PRKG1: variants seen among roughly 807,000 people sequenced by gnomAD.
PRKG1 encodes the protein cGMP-dependent protein kinase 1.
A neutral mutation model predicts 88.1 loss-of-function variants in PRKG1; 35 were observed. The ratio of observed to expected loss-of-function variants is 0.40; its 90% CI spans 0.30 to 0.53. The LOEUF (loss-of-function observed/expected upper bound fraction) is 0.53. Among genes scored for constraint, PRKG1 ranks in the 20% least tolerant of loss-of-function variants. The probability of loss-of-function intolerance (pLI) is 0.59; values close to 1 mark genes in which losing one functional copy is unlikely to be tolerated. For missense variants in PRKG1, 540 were observed against 839.8 expected, an observed-to-expected ratio of 0.64 and a Z score of 4.41; for synonymous variants, 303 against 292.5, an observed-to-expected ratio of 1.04 and a Z score of -0.37.
At chr10:51,537,169 AT>A (rs1217592682) in intron 3 of PRKG1, among the ~76,000 whole-genome samples, 3 of 152,124 alleles carry the variant, frequency 2.0e-5, no homozygotes, top group African/African-American at 4.8e-5. Flanking sequence ...TATAATTAAA[AT>A]TTTTTTAATG....
rs144723026 is a variant in PRKG1, at chr10:52,242,688, G to C, written c.1077-8882G>C. Among the ~76,000 whole-genome samples the C allele has an allele frequency of 4.9e-3, 741 of 152,242 alleles. 3 individuals are homozygous for C. The highest frequency in any genetic ancestry group is 0.017 in the Middle Eastern group (5 of 294). On this transcript the variant is annotated intron_variant, in intron 9 of 17. Coordinates refer to ENST00000373980, the MANE Select transcript of PRKG1 (RefSeq NM_006258.4). ...AAGGTGGGTGGATCACTTGAGTTCA[G>C]GAGTTGGAGACCATCCTGGCCAACA...
chr10:51,698,890 CCCAGGGCCAGGG>C lies in PRKG1; in HGVS notation c.593-105678_593-105667del, dbSNP rs575311852. On this transcript the variant is annotated intron_variant, in intron 3 of 17. Coordinates refer to ENST00000373980, the MANE Select transcript of PRKG1 (RefSeq NM_006258.4). ...GCAGAACATTAGGTCCTGGGCAGAG[CCCAGGGCCAGGG>C]CCAGGGCCAGGGCCAGAGACAGACA... The C allele has an allele frequency of 5.6e-4, 898 of 1,613,932 alleles. 1 individual carries two copies. The highest frequency in any genetic ancestry group is 1.5e-3 in the Middle Eastern group (9 of 6,060).
Position 51,267,029 on chromosome 10 carries a change from A to G in PRKG1, c.478+113699A>G, listed in dbSNP as rs185077791. ...ATGGAAGGGGTGTTGAAGAATCACA[A>G]TCAATGCTCGTCACCAACTCCACTA... is the stretch of plus-strand genomic sequence containing the variant. On this transcript the variant is annotated intron_variant, in intron 2 of 17. Transcript: ENST00000373980. Among the ~76,000 whole-genome samples, 215 of 152,292 alleles carry G rather than the reference A, an allele frequency of 1.4e-3. 1 individual carries two copies. The highest frequency in any genetic ancestry group is 4.8e-3 in the African/African-American group (200 of 41,574).
chr10:51,180,906 C>T (rs1182302238), intron 2 of PRKG1, among the ~76,000 whole-genome samples: 1 of 152,100 alleles, frequency 6.6e-6, no homozygotes, highest in Non-Finnish European at 1.5e-5. Flanking sequence ...TCTGTAAGTA[C>T]TCAAAAAGTG....
At chr10:51,416,555 T>C (rs1838245352) in intron 2 of PRKG1, among the ~76,000 whole-genome samples, 1 of 152,194 alleles carries the variant, frequency 6.6e-6, no homozygotes, top group Non-Finnish European at 1.5e-5. Context: ...CACAGTAATC[T>C]TGTTCTACAT....
At chr10:51,893,204 G>A (rs1485319445) in intron 4 of PRKG1, among the ~76,000 whole-genome samples, 2 of 151,994 alleles carry the variant, frequency 1.3e-5, no homozygotes, top group Admixed American at 6.6e-5. Flanking sequence ...CCTTCAGTGA[G>A]TTTTTTAGAA....
chr10:51,050,928 C>T (rs1843552695), intron 1 of PRKG1, among the ~76,000 whole-genome samples: 1 of 152,072 alleles, frequency 6.6e-6, no homozygotes, highest in Admixed American at 6.6e-5. Flanking sequence ...TCATATACTT[C>T]ATGGCCGTTT....
At chr10:52,158,342 T>A (rs1461341065) in intron 8 of PRKG1, among the ~76,000 whole-genome samples, 1 of 151,820 alleles carries the variant, frequency 6.6e-6, no homozygotes, top group South Asian at 2.1e-4. Flanking sequence ...AGAAATGTCA[T>A]AGGACCTGAG....
chr10:52,271,420 C>G lies in PRKG1; in HGVS notation c.1244C>G (p.Thr415Arg), dbSNP rs1398945333. 6.2e-7 allele frequency: 1 copy of G among 1,612,978 alleles called. No homozygotes were observed. The highest frequency in any genetic ancestry group is 1.7e-5 in the Admixed American group (1 of 59,858). ...CTCAAGAAACGTCACATTGTGGACA[C>G]AAGACAGCAGGAGCACATCCGCTCA... Reference protein sequence around the residue: ...KILKKRHIVDTRQQEHIRSEK... With the variant: ...KILKKRHIVDRRQQEHIRSEK... Residue 415 changes from threonine (T) to arginine (R), a missense_variant, in exon 11 of 18, where the codon ACA (threonine) becomes AGA (arginine). Physicochemically the swap from Thr to Arg is moderately conservative, Grantham distance 71. Around this residue, in one of 5 missense-constraint regions of PRKG1, gnomAD observed 400 missense variants for 562.7 expected, o/e 0.71. Transcript: ENST00000373980.
intron 2 of PRKG1, among the ~76,000 whole-genome samples, chr10:51,156,845 G>C (rs1846226988): frequency 6.6e-6 from 1 of 151,850 alleles, no homozygotes; most frequent in African/African-American, 2.4e-5. Context: ...TGGATTCTTT[G>C]TTATCTGTGA....
At chr10:51,626,715 T>A (rs946814508) in intron 3 of PRKG1, among the ~76,000 whole-genome samples, 4 of 152,194 alleles carry the variant, frequency 2.6e-5, no homozygotes, top group African/African-American at 9.6e-5. Context: ...TGCTACCAAC[T>A]CAGCTAAACC....
chr10:51,904,349 T>C (rs1277324655), intron 4 of PRKG1, among the ~76,000 whole-genome samples: 2 of 152,178 alleles, frequency 1.3e-5, no homozygotes, highest in African/African-American at 4.8e-5. Flanking sequence ...AACTTTATTT[T>C]GAATTATTTT....
intron 3 of PRKG1, among the ~76,000 whole-genome samples, chr10:51,596,701 G>A (rs1249992448): frequency 3.3e-5 from 5 of 152,046 alleles, no homozygotes; most frequent in East Asian, 1.9e-4. Flanking sequence ...TTATCTCTTC[G>A]TTTTCTAAGT....
chr10:51,209,896 C>G (rs895213686), intron 2 of PRKG1, among the ~76,000 whole-genome samples: 1 of 152,052 alleles, frequency 6.6e-6, no homozygotes, highest in Non-Finnish European at 1.5e-5. Flanking sequence ...TTTTTCATAC[C>G]TATTACTTTT....
At chr10:51,483,598 T>C (rs1032258396) in intron 3 of PRKG1, among the ~76,000 whole-genome samples, 1 of 152,198 alleles carries the variant, frequency 6.6e-6, no homozygotes, top group Non-Finnish European at 1.5e-5. Context: ...TTTTCACATT[T>C]CTCAGGATAC....
chr10:51,349,910 A>G (rs1037205630), intron 2 of PRKG1, among the ~76,000 whole-genome samples: 2 of 152,180 alleles, frequency 1.3e-5, no homozygotes, highest in Non-Finnish European at 2.9e-5. Context: ...ATTATAAGGC[A>G]CAGCTTCTGC....
intron 2 of PRKG1, among the ~76,000 whole-genome samples, chr10:51,397,542 C>T (rs1449738117): frequency 6.6e-6 from 1 of 152,126 alleles, no homozygotes; most frequent in Non-Finnish European, 1.5e-5. Context: ...GGTCCATTTG[C>T]TTTTCTGTTT....
chr10:52,016,069 G>A (rs10762528), intron 5 of PRKG1, among the ~76,000 whole-genome samples: 43,661 of 152,044 alleles, frequency 0.29, 6,422 homozygotes, highest in Non-Finnish European at 0.33. Context: ...CAGCCTCTGC[G>A]GATTACTTAG....
chr10:51,792,394 G>GT (rs1564648618), intron 3 of PRKG1, among the ~76,000 whole-genome samples: 1 of 151,940 alleles, frequency 6.6e-6, no homozygotes, highest in African/African-American at 2.4e-5. Context: ...TTTAGATGAC[G>GT]TAAGTTTTAT....
Sources: allele counts gnomAD v4.1 joint callset (sites outside exome capture counted in the v4.1 genomes callset), GRCh38; gene constraint gnomAD v4.1.1; regional missense constraint gnomAD v4.1.1; transcripts MANE v1.5; gene names NCBI Gene and HGNC (gene_info 2026-07-23, HGNC 2026-07-21).